Variants in UGGT2 observed in about 807,000 individuals in gnomAD.
UGGT2 encodes the protein UDP-glucose:glycoprotein glucosyltransferase 2.
UGGT2 carries 180 observed loss-of-function variants against 192.1 expected under a neutral mutation model. The observed-to-expected ratio is 0.94, with a 90% CI of 0.83 to 1.06. UGGT2 has a LOEUF of 1.06. UGGT2 is among the 50% of genes least tolerant of loss of function. UGGT2 has a pLI of 0.00. For missense variants in UGGT2, 1,849 were observed against 1,795.7 expected (o/e 1.03, Z -0.54); for synonymous variants, 580 against 591.0 (o/e 0.98, Z 0.27).
At position 95,902,898 on chromosome 13, in the gene UGGT2, T is replaced by C; in HGVS notation, c.2458A>G (p.Thr820Ala). Reference sequence around the variant, plus strand: ...ATTTTATCTCCAGAGTAAATAGCTGTAGCAATTTCTTCCTTTGCCAGTTGC... The same window carrying C: ...ATTTTATCTCCAGAGTAAATAGCTGCAGCAATTTCTTCCTTTGCCAGTTGC... ...LGQLAKEEIA[T>A]AIYSGDKIKT... Residue 820 changes from threonine (T) to alanine (A), a missense_variant, in exon 21 of 39, where the codon ACA becomes GCA. Coordinates refer to ENST00000376747, the MANE Select transcript of UGGT2 (RefSeq NM_020121.4). The C allele has an allele frequency of 3.1e-6, 5 of 1,613,550 alleles. No individual in the cohort carries two copies. The highest frequency in any genetic ancestry group is 4.2e-6 in the Non-Finnish European group (5 of 1,179,630).
intron 1 of UGGT2, among the ~76,000 whole-genome samples, chr13:96,049,653 A>G (rs997938675): frequency 3.3e-5 from 5 of 152,196 alleles, no homozygotes; most frequent in Non-Finnish European, 7.4e-5. Context: ...AAATCAATGT[A>G]CAAAAATCAC....
chr13:96,046,798 C>T (rs2053325108), intron 1 of UGGT2, among the ~76,000 whole-genome samples: 1 of 152,198 alleles, frequency 6.6e-6, no homozygotes, highest in Non-Finnish European at 1.5e-5. Context: ...ACGGTCTTAG[C>T]AAACGGCACA....
At chr13:96,041,619 C>T (rs1259373644) in intron 1 of UGGT2, among the ~76,000 whole-genome samples, 2 of 152,018 alleles carry the variant, frequency 1.3e-5, no homozygotes, top group Non-Finnish European at 2.9e-5. Context: ...CCTGCTCGCC[C>T]ACCACCTAAG....
chr13:96,013,438 T>G lies in UGGT2; in HGVS notation c.529A>C (p.Asn177His), dbSNP rs761887754. Reference protein sequence around the residue: ...LFKGDHKFPTNKENLPVVILY... With the variant: ...LFKGDHKFPTHKENLPVVILY... ...ATCACCACTGGTAAGTTCTCTTTGT[T>G]TGTAGGAAATTTGTGATCTCCTTTA... The change falls in exon 5 of 39, where the codon AAC (asparagine) becomes CAC (histidine). Residue 177 changes from asparagine to histidine, a missense_variant. Transcript: ENST00000376747. The G allele has an allele frequency of 1.2e-6, 2 of 1,601,398 alleles. No homozygotes were observed. The highest frequency in any genetic ancestry group is 1.7e-6 in the Non-Finnish European group (2 of 1,175,942).
chr13:95,864,242 T>C (rs1244719978), intron 30 of UGGT2, among the ~76,000 whole-genome samples: 1 of 152,198 alleles, frequency 6.6e-6, no homozygotes, highest in East Asian at 1.9e-4. Flanking sequence ...ACTATTTCTA[T>C]GATTTCCTTC....
chr13:96,053,329 C>A lies in UGGT2; in HGVS notation c.-17G>T. On this transcript the variant is annotated 5_prime_UTR_variant, in exon 1 of 39. Coordinates refer to ENST00000376747, the MANE Select transcript of UGGT2 (RefSeq NM_020121.4). Reference sequence around the variant, plus strand: ...TGGCGCCATGGCACGGAGAGAAAAGCGCGAGTCCCTCGGACCCGGTACCCA... The same window carrying A: ...TGGCGCCATGGCACGGAGAGAAAAGAGCGAGTCCCTCGGACCCGGTACCCA... The A allele has an allele frequency of 6.3e-7, 1 of 1,579,434 alleles. No individual in the cohort carries two copies. The highest frequency in any genetic ancestry group is 1.7e-4 in the Middle Eastern group (1 of 5,888).
Position 95,856,229 on chromosome 13 carries a change from A to G in UGGT2, c.3937T>C (p.Tyr1313His), listed in dbSNP as rs774384801. The G allele has an allele frequency of 6.2e-7, 1 of 1,613,688 alleles. No homozygotes were observed. Among genetic ancestry groups the G allele is most frequent in the African/African-American group, 1.3e-5 (1 of 75,028 alleles). The change falls in exon 34 of 39, where the codon TAC becomes CAC. Residue 1313 changes from tyrosine (Y) to histidine (H), a missense_variant. Coordinates refer to ENST00000376747, the MANE Select transcript of UGGT2 (RefSeq NM_020121.4). Reference sequence around the variant, plus strand: ...AGAACATCAAGGAAAAGAATTTTGTAACCCCAAATAATCCTCTGTCTTTCA... The same window carrying G: ...AGAACATCAAGGAAAAGAATTTTGTGACCCCAAATAATCCTCTGTCTTTCA... Reference protein sequence around the residue: ...QTERQRIIWGYKILFLDVLFP... With the variant: ...QTERQRIIWGHKILFLDVLFP...
In UGGT2 at chr13:96,023,515, GAACC is replaced by G; in HGVS notation, c.372+110_372+113del. Reference sequence around the variant, plus strand: ...ATAATATAATCAATGATAGGCTATGGAACCAACTATAAACTTGTAGATCATTTTG... The same window carrying G: ...ATAATATAATCAATGATAGGCTATGGAACTATAAACTTGTAGATCATTTTG... On this transcript the variant is annotated intron_variant, in intron 3 of 38. Coordinates refer to ENST00000376747, the MANE Select transcript of UGGT2 (RefSeq NM_020121.4). 8.1e-6 allele frequency: 9 copies of G among 1,111,746 alleles called. No homozygotes were observed. The South Asian group carries it at 1.0e-4, about 13-fold the overall frequency. The allele number at this position is 1,111,746 out of a possible 1,614,324, so 68.9% of individuals were successfully genotyped here. A position where few individuals can be genotyped will look rare whatever the true frequency, so the allele number is the denominator to read the frequency against.
At chr13:95,932,717 G>A (rs2049330626) in intron 17 of UGGT2, among the ~76,000 whole-genome samples, 1 of 152,114 alleles carries the variant, frequency 6.6e-6, no homozygotes, top group Admixed American at 6.5e-5. Flanking sequence ...TATGATGTTG[G>A]TTGTGGGTTT....
At chr13:95,837,289 T>G in intron 36 of UGGT2, 87 bp from the exon 37 acceptor site, 1 of 867,778 alleles carries the variant, frequency 1.2e-6, no homozygotes. Context: ...TCAGTTAGAC[T>G]GTAAACAGAT....
intron 1 of UGGT2, among the ~76,000 whole-genome samples, chr13:96,051,618 T>C (rs1188468439): frequency 6.6e-6 from 1 of 150,496 alleles, no homozygotes; most frequent in African/African-American, 2.4e-5. Context: ...ATCCAGAATC[T>C]ACAAGGAACT....
chr13:95,943,487 A>G, intron 15 of UGGT2, among the ~76,000 whole-genome samples: 1 of 151,980 alleles, frequency 6.6e-6, no homozygotes, highest in South Asian at 2.1e-4. Context: ...AAGTACTCTC[A>G]TGAGGATAAG....
At chr13:95,855,164 G>A (rs1889469206) in intron 34 of UGGT2, among the ~76,000 whole-genome samples, 1 of 150,016 alleles carries the variant, frequency 6.7e-6, no homozygotes, top group South Asian at 2.1e-4. Context: ...GTGTGCACCT[G>A]GAGTTCCAGC....
In UGGT2 at chr13:95,832,556, A is replaced by T. The variant is rs1886824418; in HGVS notation, c.4528+371T>A. 1.4e-5 allele frequency: 4 copies of T among 294,052 alleles called. No homozygotes were observed. The Admixed American group carries it at 1.7e-4, about 13-fold the overall frequency. The allele number at this position is 294,052 out of a possible 1,614,324, so 18.2% of individuals were successfully genotyped here. ...GAGATAGGAAATGATATTTTTAGTT[A>T]GCTATGTAAAGCTTTTATTAATTTT... On this transcript the variant is annotated intron_variant, in intron 38 of 38. Transcript: ENST00000376747.
intron 12 of UGGT2, among the ~76,000 whole-genome samples, chr13:95,959,289 C>A (rs1457730868): frequency 6.6e-6 from 1 of 152,132 alleles, no homozygotes. Flanking sequence ...ATGAGCAAAG[C>A]ATGCCCCAGC....
intron 10 of UGGT2, chr13:95,983,450 CTA>C (rs1178680484): frequency 5.6e-6 from 2 of 356,272 alleles, no homozygotes; most frequent in Non-Finnish European, 1.1e-5. Context: ...CTATAGGATT[CTA>C]CCGTTCCAGT....
intron 4 of UGGT2, among the ~76,000 whole-genome samples, chr13:96,021,423 A>T (rs889912979): frequency 6.6e-6 from 1 of 152,232 alleles, no homozygotes; most frequent in African/African-American, 2.4e-5. Flanking sequence ...GTTATATTAT[A>T]GTGAGTCTAA....
At chr13:95,958,713 C>T (rs1026210320) in intron 12 of UGGT2, among the ~76,000 whole-genome samples, 28 of 151,372 alleles carry the variant, frequency 1.8e-4, no homozygotes, top group Middle Eastern at 3.4e-3. Context: ...TCGAATAGGT[C>T]GTCTAAGGGA....
chr13:96,051,581 A>C (rs1219288145), intron 1 of UGGT2, among the ~76,000 whole-genome samples: 1 of 152,192 alleles, frequency 6.6e-6, no homozygotes, highest in African/African-American at 2.4e-5. Flanking sequence ...AAATCTTCAC[A>C]ATCTATACAT....
Sources: gnomAD v4.1 joint callset for allele counts (sites outside exome capture counted in the v4.1 genomes callset) on GRCh38, gnomAD v4.1.1 for gene constraint, MANE v1.5 for transcripts, NCBI Gene and HGNC (gene_info 2026-07-23, HGNC 2026-07-21) for gene names.